Variants in CNOT6 observed in about 807,000 individuals in gnomAD.
The protein encoded by CNOT6 is carbon catabolite repression 4 protein.
In CNOT6, 12 loss-of-function variants were observed where a neutral mutation model predicts 61.2. The ratio of observed to expected loss-of-function variants is 0.20; its 90% CI spans 0.13 to 0.32. CNOT6 has a LOEUF of 0.32. CNOT6 is among the 10% of genes least tolerant of loss of function. The pLI is 1.00. For synonymous variants in CNOT6, 225 were observed against 240.6 expected (o/e 0.94, Z 0.60); for missense variants, 405 against 663.9 (o/e 0.61, Z 4.28).
intron 2 of CNOT6, among the ~76,000 whole-genome samples, chr5:180,541,766 T>G (rs1233360743): frequency 6.6e-6 from 1 of 151,294 alleles, no homozygotes; most frequent in East Asian, 1.9e-4. Flanking sequence ...AAATTTTTTT[T>G]TTTTTTGGTA....
intron 2 of CNOT6, among the ~76,000 whole-genome samples, chr5:180,548,114 C>G (rs890119325): frequency 6.6e-6 from 1 of 152,138 alleles, no homozygotes; most frequent in Non-Finnish European, 1.5e-5. Context: ...TGTGTAATAC[C>G]TTGAGATACA....
At chr5:180,534,702 G>T (rs1463377358) in intron 2 of CNOT6, 2 of 115,862 alleles carry the variant, frequency 1.7e-5, no homozygotes, top group African/African-American at 6.4e-5. Flanking sequence ...GGCATGGGCC[G>T]GAGTCCCTGG....
chr5:180,539,294 AC>A (rs1287995385), intron 2 of CNOT6, among the ~76,000 whole-genome samples: 3 of 116,268 alleles, frequency 2.6e-5, no homozygotes, highest in African/African-American at 5.5e-5. Context: ...AAACAAACAA[AC>A]AAAAAAAAAC....
At chr5:180,537,879 G>A (rs1758792227) in intron 2 of CNOT6, among the ~76,000 whole-genome samples, 1 of 149,086 alleles carries the variant, frequency 6.7e-6, no homozygotes, top group Non-Finnish European at 1.5e-5. Context: ...GTATAAGAAA[G>A]TGACTAACTT....
intron 4 of CNOT6, among the ~76,000 whole-genome samples, chr5:180,555,325 T>C (rs576371706): frequency 3.0e-4 from 46 of 152,284 alleles, no homozygotes; most frequent in Non-Finnish European, 2.4e-4. Flanking sequence ...TCATACTGAT[T>C]TAATGTACAG....
intron 1 of CNOT6, among the ~76,000 whole-genome samples, chr5:180,518,769 G>A (rs1757757636): frequency 6.6e-6 from 1 of 152,218 alleles, no homozygotes; most frequent in Admixed American, 6.5e-5. Context: ...CCAAAGTGCT[G>A]GGATTACTGG....
intron 1 of CNOT6, among the ~76,000 whole-genome samples, chr5:180,508,835 T>TA (rs150575485): frequency 1.6e-4 from 23 of 145,628 alleles, no homozygotes; most frequent in South Asian, 2.1e-4. Context: ...TTATTATTAT[T>TA]TTTTTTTGAG....
intron 2 of CNOT6, among the ~76,000 whole-genome samples, chr5:180,547,264 A>T (rs1759360608): frequency 6.6e-6 from 1 of 151,834 alleles, no homozygotes; most frequent in African/African-American, 2.4e-5. Flanking sequence ...TCACGCCTGT[A>T]TTCCCAGCAC....
At chr5:180,546,756 AT>A (rs1234025993) in intron 2 of CNOT6, among the ~76,000 whole-genome samples, 1 of 152,178 alleles carries the variant, frequency 6.6e-6, no homozygotes, top group Admixed American at 6.5e-5. Context: ...ATTTTCTCTA[AT>A]TTCCTATCAG....
intron 1 of CNOT6, among the ~76,000 whole-genome samples, chr5:180,501,500 G>A (rs1294539267): frequency 2.6e-5 from 4 of 152,180 alleles, no homozygotes; most frequent in Non-Finnish European, 5.9e-5. Flanking sequence ...ACCAGAGAGC[G>A]GTTTGGGGTT....
rs1471619789 is a variant in CNOT6 at position 180,577,171 on chromosome 5, G to GTGTGTGTGTGTGTT, written c.*2984_*2985insTTGTGTGTGTGTGT. Reference sequence around the variant, plus strand: ...AGAGAACATCTCCAGAAATGTGTGTGTGTGTGTGTGTGTGTGTGTGTGTGT... The same window carrying GTGTGTGTGTGTGTT: ...AGAGAACATCTCCAGAAATGTGTGTGTGTGTGTGTGTGTTTGTGTGTGTGTGTGTGTGTGTGTGT... On this transcript the variant is annotated 3_prime_UTR_variant, in exon 12 of 12. Coordinates refer to ENST00000261951, the MANE Select transcript of CNOT6 (RefSeq NM_001370472.1). The GTGTGTGTGTGTGTT allele has an allele frequency of 9.3e-5, 14 of 150,936 alleles. No individual in the cohort carries two copies. In the South Asian group the frequency reaches 2.5e-3, roughly 27 times the overall value. 9.3% of individuals were successfully genotyped at this position (150,936 alleles called of 1,614,324 possible). A position where few individuals can be genotyped will look rare whatever the true frequency, so the allele number is the denominator to read the frequency against.
At chr5:180,522,206 A>G (rs919084310) in intron 1 of CNOT6, among the ~76,000 whole-genome samples, 6 of 151,500 alleles carry the variant, frequency 4.0e-5, no homozygotes, top group African/African-American at 1.2e-4. Context: ...CTCACTGCAA[A>G]CTCCATGTCC....
intron 1 of CNOT6, among the ~76,000 whole-genome samples, chr5:180,527,459 C>T (rs775721268): frequency 6.6e-6 from 1 of 152,154 alleles, no homozygotes; most frequent in Non-Finnish European, 1.5e-5. Context: ...AAATTCACAA[C>T]ATGATAGTTA....
intron 3 of CNOT6, among the ~76,000 whole-genome samples, chr5:180,551,756 C>T (rs1759611853): frequency 6.6e-6 from 1 of 152,074 alleles, no homozygotes; most frequent in African/African-American, 2.4e-5. Flanking sequence ...AAGGTCTTTG[C>T]CTCTATTGCT....
intron 1 of CNOT6, among the ~76,000 whole-genome samples, chr5:180,508,637 A>G (rs1311378253): frequency 6.7e-6 from 1 of 149,912 alleles, no homozygotes; most frequent in Non-Finnish European, 1.5e-5. Context: ...TTATGTTTTT[A>G]TTTTTTCAAG....
At position 180,509,911 on chromosome 5, in the gene CNOT6, C is replaced by G. The variant is rs139346819; in HGVS notation, c.-3+15148C>G. On this transcript the variant is annotated intron_variant, in intron 1 of 11. Transcript: ENST00000261951. ...TATGGTTTGCTTTGGGAGATTATCA[C>G]GGGGTTCTGATACCAAGATACCTGC... Among the ~76,000 whole-genome samples, 772 of 148,596 alleles carry G rather than the reference C, an allele frequency of 5.2e-3. 7 individuals are homozygous for G. The highest frequency in any genetic ancestry group is 0.018 in the African/African-American group (713 of 40,332).
At position 180,531,305 on chromosome 5, in the gene CNOT6, C is replaced by T. The variant is rs546648283; in HGVS notation, c.112+1917C>T. On this transcript the variant is annotated intron_variant, in intron 2 of 11. Transcript: ENST00000261951. Reference sequence around the variant, plus strand: ...TCAGAGACGCTTCTCACCTCCCAGACGGGGTAGCGGTCGGGCAGAGACACT... The same window carrying T: ...TCAGAGACGCTTCTCACCTCCCAGATGGGGTAGCGGTCGGGCAGAGACACT... Among the ~76,000 whole-genome samples, 39 of 150,424 alleles carry T rather than the reference C, an allele frequency of 2.6e-4. No homozygotes were observed. The East Asian group carries it at 7.0e-3, about 27-fold the overall frequency.
chr5:180,497,055 C>A (rs1276651862), intron 1 of CNOT6, among the ~76,000 whole-genome samples: 1 of 152,100 alleles, frequency 6.6e-6, no homozygotes, highest in Non-Finnish European at 1.5e-5. Flanking sequence ...ATGCCAGGCG[C>A]GGTGACTCAC....
Position 180,564,739 on chromosome 5 carries a change from A to G in CNOT6, c.555A>G (p.Pro185=). 9 of 1,612,558 alleles carry G rather than the reference A, an allele frequency of 5.6e-6. No homozygotes were observed. The highest frequency in any genetic ancestry group is 7.6e-6 in the Non-Finnish European group (9 of 1,178,640). ...IMLQEPDRTR[P]TALFSVMCYN... is the part of the protein sequence containing the mutation. ...TACAAGAACCAGATAGGACAAGGCC[A>G]ACTGGTTGGTAGTCTTTTATTTTTT... Residue 185 remains proline (P), a synonymous_variant, in exon 6 of 12, where the codon CCA becomes CCG. Coordinates refer to ENST00000261951, the MANE Select transcript of CNOT6 (RefSeq NM_001370472.1).
Sources: allele counts gnomAD v4.1 joint callset (sites outside exome capture counted in the v4.1 genomes callset), GRCh38; gene constraint gnomAD v4.1.1; transcripts MANE v1.5; gene names NCBI Gene and HGNC (gene_info 2026-07-23, HGNC 2026-07-21).